CCSER1: variants seen among roughly 807,000 people sequenced by gnomAD.
CCSER1 encodes the protein serine-rich coiled-coil domain-containing protein 1.
A neutral mutation model predicts 82.0 loss-of-function variants in CCSER1; 41 were observed. That is an observed-to-expected ratio of 0.50 (90% CI 0.39 to 0.65). The LOEUF (loss-of-function observed/expected upper bound fraction) is 0.65. CCSER1 is among the 30% of genes least tolerant of loss of function. The pLI is 0.00. For missense variants in CCSER1, 1,119 were observed against 1,064.2 expected (o/e 1.05, Z -0.72); for synonymous variants, 414 against 383.9 (o/e 1.08, Z -0.92).
intron 7 of CCSER1, among the ~76,000 whole-genome samples, chr4:90,751,980 T>G (rs1198751211): frequency 6.6e-6 from 1 of 152,068 alleles, no homozygotes; most frequent in Non-Finnish European, 1.5e-5. Context: ...GCTCAAAAAA[T>G]TATTTGTTTA....
chr4:90,735,509 G>A (rs143820979), intron 7 of CCSER1, among the ~76,000 whole-genome samples: 88 of 152,138 alleles, frequency 5.8e-4, no homozygotes, highest in African/African-American at 1.9e-3. Flanking sequence ...CTTATTATTG[G>A]TCTGTTCAGA....
At chr4:90,164,863 A>T (rs994633598) in intron 1 of CCSER1, among the ~76,000 whole-genome samples, 2 of 151,902 alleles carry the variant, frequency 1.3e-5, no homozygotes, top group Non-Finnish European at 2.9e-5. Flanking sequence ...ATGTTTTTGA[A>T]TTTTTTTTGA....
intron 10 of CCSER1, among the ~76,000 whole-genome samples, chr4:91,146,747 C>A (rs1729582514): frequency 6.6e-6 from 1 of 151,984 alleles, no homozygotes; most frequent in Non-Finnish European, 1.5e-5. Context: ...TGATAGTTTC[C>A]TTCATGGGCT....
intron 7 of CCSER1, among the ~76,000 whole-genome samples, chr4:90,755,872 A>G (rs1246321999): frequency 2.6e-5 from 4 of 152,208 alleles, no homozygotes; most frequent in Non-Finnish European, 5.9e-5. Context: ...ACACTTCTAA[A>G]GTATATTTCC....
chr4:91,592,017 G>A (rs771009921), intron 10 of CCSER1, among the ~76,000 whole-genome samples: 1 of 152,078 alleles, frequency 6.6e-6, no homozygotes, highest in Non-Finnish European at 1.5e-5. Flanking sequence ...AATATTAATG[G>A]AGTTCTCAGT....
intron 1 of CCSER1, among the ~76,000 whole-genome samples, chr4:90,269,474 T>A (rs1221119275): frequency 6.6e-6 from 1 of 152,004 alleles, no homozygotes; most frequent in East Asian, 1.9e-4. Context: ...ACTGAAAAAT[T>A]TCTTGAAACA....
chr4:90,923,499 C>T, intron 9 of CCSER1, 52 bp downstream of exon 9: 3 of 1,231,708 alleles, frequency 2.4e-6, no homozygotes, highest in South Asian at 1.3e-5. Flanking sequence ...ATTCAGACCT[C>T]CACAGCTTAT....
intron 10 of CCSER1, among the ~76,000 whole-genome samples, chr4:91,113,865 T>A (rs200272654): frequency 6.8e-6 from 1 of 146,892 alleles, no homozygotes; most frequent in African/African-American, 2.5e-5. Context: ...TTTTTTTTTC[T>A]TTTTTGATAC....
chr4:91,450,543 G>C (rs1041963035), intron 10 of CCSER1, among the ~76,000 whole-genome samples: 1 of 152,084 alleles, frequency 6.6e-6, no homozygotes, highest in Admixed American at 6.6e-5. Flanking sequence ...AAACAAACGA[G>C]ATGGGCCCTA....
At chr4:91,116,906 G>T (rs529577347) in intron 10 of CCSER1, among the ~76,000 whole-genome samples, 3 of 152,222 alleles carry the variant, frequency 2.0e-5, no homozygotes, top group Non-Finnish European at 4.4e-5. Flanking sequence ...AGAGACTGGT[G>T]ATTTTTTAAA....
Position 90,229,463 on chromosome 4 carries a change from G to T in CCSER1, c.-41-78781G>T, listed in dbSNP as rs567297499. Among the ~76,000 whole-genome samples, 7 of 152,244 alleles carry T rather than the reference G, an allele frequency of 4.6e-5. No homozygotes were observed. In the South Asian group the frequency reaches 1.0e-3, roughly 23 times the overall value. ...CGAGGCCTGCCCTAAAAGTGCTCCTGAAGGAAGTGCCAAACATGGAAAGGA... is the reference window on the plus strand; with the variant it reads ...CGAGGCCTGCCCTAAAAGTGCTCCTTAAGGAAGTGCCAAACATGGAAAGGA... On this transcript the variant is annotated intron_variant, in intron 1 of 10. Coordinates refer to ENST00000509176, the MANE Select transcript of CCSER1 (RefSeq NM_001145065.2).
chr4:90,310,236 C>T (rs1370220625), intron 2 of CCSER1, among the ~76,000 whole-genome samples: 1 of 152,012 alleles, frequency 6.6e-6, no homozygotes, highest in East Asian at 1.9e-4. Flanking sequence ...CAACTTTGGA[C>T]ACCTTCCCTT....
At chr4:90,432,048 A>G (rs1384227159) in intron 4 of CCSER1, among the ~76,000 whole-genome samples, 3 of 152,096 alleles carry the variant, frequency 2.0e-5, no homozygotes, top group Non-Finnish European at 4.4e-5. Flanking sequence ...GGGTCTAGAA[A>G]TCTTGGGTAG....
Position 90,876,869 on chromosome 4 carries a change from G to A in CCSER1, c.2095-46501G>A, listed in dbSNP as rs1032605156. ...GTATCTATAAAACGTAATTATTATG[G>A]GATTTCAGTTATGGAATACTTTTTG... On this transcript the variant is annotated intron_variant, in intron 8 of 10. Coordinates refer to ENST00000509176, the MANE Select transcript of CCSER1 (RefSeq NM_001145065.2). Among the ~76,000 whole-genome samples, 5 of 151,864 alleles carry A rather than the reference G, an allele frequency of 3.3e-5. No homozygotes were observed. In the East Asian group the frequency reaches 5.8e-4, roughly 18 times the overall value.
chr4:90,260,392 T>C (rs1724100175), intron 1 of CCSER1, among the ~76,000 whole-genome samples: 1 of 152,194 alleles, frequency 6.6e-6, no homozygotes, highest in Non-Finnish European at 1.5e-5. Flanking sequence ...TGCTATCTCA[T>C]TTCTTTGGTC....
intron 5 of CCSER1, among the ~76,000 whole-genome samples, chr4:90,500,179 C>G (rs1161180224): frequency 6.6e-6 from 1 of 151,798 alleles, no homozygotes; most frequent in Non-Finnish European, 1.5e-5. Flanking sequence ...TCATCATGTA[C>G]TCGATTAATT....
intron 9 of CCSER1, among the ~76,000 whole-genome samples, chr4:91,077,072 G>C (rs188222958): frequency 4.3e-4 from 66 of 152,278 alleles, no homozygotes; most frequent in Admixed American, 6.5e-4. Context: ...ACAACTGTGA[G>C]AAAAGAATAA....
At chr4:91,215,721 C>G (rs1737187038) in intron 10 of CCSER1, among the ~76,000 whole-genome samples, 1 of 152,194 alleles carries the variant, frequency 6.6e-6, no homozygotes, top group Non-Finnish European at 1.5e-5. Context: ...GCAACATCCT[C>G]AAAGACACAC....
intron 7 of CCSER1, among the ~76,000 whole-genome samples, chr4:90,740,035 T>A (rs1000394066): frequency 6.6e-6 from 1 of 152,218 alleles, no homozygotes; most frequent in Non-Finnish European, 1.5e-5. Context: ...AGGCTTCTAT[T>A]CAGCCATATT....
Sources: allele counts gnomAD v4.1 joint callset (sites outside exome capture counted in the v4.1 genomes callset), GRCh38; gene constraint gnomAD v4.1.1; transcripts MANE v1.5; gene names NCBI Gene and HGNC (gene_info 2026-07-23, HGNC 2026-07-21).